Variants in TAFA5 observed in about 807,000 individuals in gnomAD.
TAFA5 encodes chemokine-like protein TAFA-5.
TAFA5 carries 6 observed loss-of-function variants against 15.3 expected under a neutral mutation model. The observed-to-expected ratio is 0.39, with a 90% CI of 0.21 to 0.77. The LOEUF (loss-of-function observed/expected upper bound fraction) is 0.77. Ranked by LOEUF, TAFA5 falls within the 30% of genes least tolerant of loss-of-function variation. TAFA5 has a pLI of 0.41. For missense variants in TAFA5, 161 were observed against 193.1 expected (o/e 0.83, Z 0.98); for synonymous variants, 103 against 80.7 (o/e 1.28, Z -1.48).
intron 3 of TAFA5, among the ~76,000 whole-genome samples, chr22:48,713,635 T>A (rs998739699): frequency 6.6e-6 from 1 of 152,210 alleles, no homozygotes; most frequent in African/African-American, 2.4e-5. Flanking sequence ...CGTTGGCATC[T>A]CCAGCAGTGC....
chr22:48,702,388 T>C (rs1928937640), intron 2 of TAFA5, among the ~76,000 whole-genome samples: 1 of 151,858 alleles, frequency 6.6e-6, no homozygotes, highest in East Asian at 1.9e-4. Context: ...AGACTCTAGA[T>C]CCAGTCTGGA....
intron 1 of TAFA5, among the ~76,000 whole-genome samples, chr22:48,555,263 C>G (rs1185701411): frequency 6.6e-6 from 1 of 152,218 alleles, no homozygotes; most frequent in Non-Finnish European, 1.5e-5. Context: ...GGGCTCAGCG[C>G]TCTTCCTAAG....
intron 2 of TAFA5, among the ~76,000 whole-genome samples, chr22:48,659,236 G>A (rs1249221573): frequency 2.6e-5 from 4 of 152,248 alleles, no homozygotes; most frequent in Admixed American, 1.3e-4. Context: ...CTTGTTGCTC[G>A]CTGGGCTTTG....
At chr22:48,536,358 G>T (rs1432128858) in intron 1 of TAFA5, among the ~76,000 whole-genome samples, 1 of 152,212 alleles carries the variant, frequency 6.6e-6, no homozygotes. Context: ...TCCTTTGTCC[G>T]CCAACAAGTT....
intron 2 of TAFA5, among the ~76,000 whole-genome samples, chr22:48,667,485 T>A (rs1927656688): frequency 6.6e-6 from 1 of 152,168 alleles, no homozygotes; most frequent in Non-Finnish European, 1.5e-5. Flanking sequence ...GACATGGGTA[T>A]TGCGTGTTAG....
chr22:48,673,707 G>A lies in TAFA5; in HGVS notation c.262+26961G>A, dbSNP rs143817751. Among the ~76,000 whole-genome samples, 661 of 152,246 alleles carry A rather than the reference G, an allele frequency of 4.3e-3. 8 individuals carry two copies. Among genetic ancestry groups the A allele is most frequent in the African/African-American group, 0.015 (625 of 41,538 alleles). The stretch of plus-strand genomic sequence containing the variant: ...CAGAGCACAGGCTGACCTCAGCCCC[G>A]GGTATGTAGGAGGTGAGGGAGGGTG... On this transcript the variant is annotated intron_variant, in intron 2 of 3. Coordinates refer to ENST00000402357, the MANE Select transcript of TAFA5 (RefSeq NM_001082967.3).
intron 1 of TAFA5, among the ~76,000 whole-genome samples, chr22:48,500,767 C>T (rs1292615348): frequency 2.0e-5 from 3 of 152,200 alleles, no homozygotes; most frequent in Non-Finnish European, 2.9e-5. Context: ...CCCAGCCTGC[C>T]GTCGCCGCCT....
chr22:48,654,927 G>A (rs1927183843), intron 2 of TAFA5, among the ~76,000 whole-genome samples: 1 of 152,156 alleles, frequency 6.6e-6, no homozygotes, highest in Non-Finnish European at 1.5e-5. Context: ...GGGAGGAGGG[G>A]CCGTGGTGGG....
intron 1 of TAFA5, among the ~76,000 whole-genome samples, chr22:48,581,444 G>C (rs1234160078): frequency 1.3e-5 from 2 of 152,240 alleles, no homozygotes; most frequent in Non-Finnish European, 2.9e-5. Context: ...GCCGTGCTGA[G>C]CACAGTGCGA....
intron 2 of TAFA5, among the ~76,000 whole-genome samples, chr22:48,686,030 T>C (rs567876697): frequency 2.7e-5 from 4 of 146,038 alleles, no homozygotes; most frequent in South Asian, 2.1e-4. Context: ...CGGGAGTACA[T>C]GCAGGCCCCA....
At chr22:48,537,163 G>C (rs1922195514) in intron 1 of TAFA5, among the ~76,000 whole-genome samples, 1 of 141,726 alleles carries the variant, frequency 7.1e-6, no homozygotes, top group Non-Finnish European at 1.6e-5. Flanking sequence ...CGATGGAACG[G>C]ATTGTTCTGT....
chr22:48,655,346 C>T (rs4925396), intron 2 of TAFA5, among the ~76,000 whole-genome samples: 98,554 of 152,082 alleles, frequency 0.65, 32,689 homozygotes, highest in South Asian at 0.77. Flanking sequence ...TCTTGGTCCA[C>T]TTTGTGATGT....
rs77224077 is a variant in TAFA5, at chr22:48,726,006, C to T, written c.390+18162C>T. Among the ~76,000 whole-genome samples the T allele has an allele frequency of 3.2e-3, 493 of 152,262 alleles. 4 individuals carry two copies. Among genetic ancestry groups the T allele is most frequent in the African/African-American group, 0.011 (466 of 41,554 alleles). ...TTGAATTTCAAGAACAAAGGAAACC[C>T]TTGTGATAACCATCCAGGGAATATT... On this transcript the variant is annotated intron_variant, in intron 3 of 3. Coordinates refer to ENST00000402357, the MANE Select transcript of TAFA5 (RefSeq NM_001082967.3).
intron 1 of TAFA5, among the ~76,000 whole-genome samples, chr22:48,567,849 G>T (rs1569028477): frequency 6.6e-6 from 1 of 152,190 alleles, no homozygotes; most frequent in Non-Finnish European, 1.5e-5. Flanking sequence ...GTCAAGAAGG[G>T]CATCCCTGGC....
intron 2 of TAFA5, among the ~76,000 whole-genome samples, chr22:48,667,369 C>T (rs190353109): frequency 2.6e-5 from 4 of 152,202 alleles, no homozygotes; most frequent in African/African-American, 4.8e-5. Flanking sequence ...GGAGGCAGAC[C>T]AGGAGGAAGG....
chr22:48,659,033 TG>T (rs1277128368), intron 2 of TAFA5, among the ~76,000 whole-genome samples: 1 of 152,204 alleles, frequency 6.6e-6, no homozygotes, highest in Non-Finnish European at 1.5e-5. Context: ...GGGACCTTGA[TG>T]GTCTCTGGGC....
intron 1 of TAFA5, among the ~76,000 whole-genome samples, chr22:48,628,328 G>A (rs989833591): frequency 3.9e-5 from 6 of 152,198 alleles, no homozygotes; most frequent in African/African-American, 7.2e-5. Flanking sequence ...CACACCCTCC[G>A]TGCCAGTCCC....
intron 1 of TAFA5, among the ~76,000 whole-genome samples, chr22:48,520,245 G>A (rs1048467970): frequency 1.3e-4 from 20 of 152,250 alleles, no homozygotes; most frequent in Non-Finnish European, 2.2e-4. Flanking sequence ...ATTCCACTGT[G>A]TGAGATGCCG....
chr22:48,600,377 G>C (rs1490612219), intron 1 of TAFA5, among the ~76,000 whole-genome samples: 1 of 152,220 alleles, frequency 6.6e-6, no homozygotes, highest in African/African-American at 2.4e-5. Context: ...GGTCCAGCGG[G>C]GATCAGAGTG....
Sources: gnomAD v4.1 joint callset for allele counts (sites outside exome capture counted in the v4.1 genomes callset) on GRCh38, gnomAD v4.1.1 for gene constraint, MANE v1.5 for transcripts, NCBI Gene and HGNC (gene_info 2026-07-23, HGNC 2026-07-21) for gene names.